PRICKLE2: variants seen among roughly 807,000 people sequenced by gnomAD.
The protein encoded by PRICKLE2 is prickle-like protein 2.
In PRICKLE2, 21 loss-of-function variants were observed where a neutral mutation model predicts 81.4. That is an observed-to-expected ratio of 0.26 (90% CI 0.18 to 0.37). The LOEUF (loss-of-function observed/expected upper bound fraction) is 0.37, where lower values mean the gene tolerates loss of function less well. Among genes scored for constraint, PRICKLE2 ranks in the 10% least tolerant of loss-of-function variants. The pLI, the probability that PRICKLE2 is intolerant of heterozygous loss-of-function variation, is 1.00. For missense variants in PRICKLE2, 940 were observed against 1,109.0 expected (o/e 0.85, Z 2.16); for synonymous variants, 456 against 421.5 (o/e 1.08, Z -1.00).
intron 1 of PRICKLE2, among the ~76,000 whole-genome samples, chr3:64,204,871 G>C (rs964800163): frequency 1.3e-5 from 2 of 152,062 alleles, no homozygotes; most frequent in African/African-American, 4.8e-5. Flanking sequence ...ACCCTCAGAA[G>C]GGGGCAGAGG....
chr3:64,192,223 G>A (rs200697198), intron 2 of PRICKLE2, among the ~76,000 whole-genome samples: 43 of 152,288 alleles, frequency 2.8e-4, no homozygotes, highest in Non-Finnish European at 4.4e-4. Flanking sequence ...GACCCCTGCC[G>A]TTGGCCTATC....
chr3:64,266,531 T>G lies in PRICKLE2; in HGVS notation c.129-67564A>C, dbSNP rs2107194644. Reference sequence around the variant, plus strand: ...GGCCCCATGGGAAGATGCTTTATTGTAGGATGAGCAGAATCAGCTGCATAT... The same window carrying G: ...GGCCCCATGGGAAGATGCTTTATTGGAGGATGAGCAGAATCAGCTGCATAT... On this transcript the variant is annotated intron_variant, in intron 2 of 8. Transcript: ENST00000295902. Among the ~76,000 whole-genome samples the G allele has an allele frequency of 1.3e-5, 2 of 152,278 alleles. 1 individual carries two copies. Among genetic ancestry groups the G allele is most frequent in the South Asian group, 4.1e-4 (2 of 4,820 alleles).
At chr3:64,135,496 C>T (rs1357116281) in intron 7 of PRICKLE2, among the ~76,000 whole-genome samples, 1 of 152,034 alleles carries the variant, frequency 6.6e-6, no homozygotes, top group Non-Finnish European at 1.5e-5. Flanking sequence ...AGTCTTTGCA[C>T]CAAGGAAAAC....
intron 7 of PRICKLE2, among the ~76,000 whole-genome samples, chr3:64,140,850 A>G (rs775994125): frequency 2.6e-5 from 4 of 152,122 alleles, no homozygotes; most frequent in Non-Finnish European, 5.9e-5. Flanking sequence ...ACAAATCAAC[A>G]AGCCAGCTGT....
intron 2 of PRICKLE2, among the ~76,000 whole-genome samples, chr3:64,238,614 T>C (rs777276669): frequency 5.9e-5 from 9 of 152,148 alleles, no homozygotes; most frequent in Non-Finnish European, 1.2e-4. Flanking sequence ...AAAGGTCCCC[T>C]GCTGCCAAGG....
chr3:64,243,889 C>A (rs1232826827), intron 2 of PRICKLE2, among the ~76,000 whole-genome samples: 1 of 152,182 alleles, frequency 6.6e-6, no homozygotes, highest in Non-Finnish European at 1.5e-5. Context: ...TGCCCTGTCT[C>A]ATTTTACCCC....
intron 7 of PRICKLE2, among the ~76,000 whole-genome samples, chr3:64,127,816 G>A (rs563837825): frequency 1.7e-4 from 26 of 151,940 alleles, no homozygotes; most frequent in Non-Finnish European, 2.9e-4. Context: ...TTGGAATCCT[G>A]ACTTGTCTTC....
At chr3:64,113,351 G>T (rs2076881401) in intron 7 of PRICKLE2, among the ~76,000 whole-genome samples, 1 of 152,172 alleles carries the variant, frequency 6.6e-6, no homozygotes, top group Admixed American at 6.5e-5. Flanking sequence ...GGGCTGGTCT[G>T]ACCTGTGCAC....
Position 64,225,043 on chromosome 3 carries a change from A to ATC in PRICKLE2, c.-176_-175dup, listed in dbSNP as rs889287991. ...AAGCAGGACCTCAGGCAGCCAAAGCATCTTCTCCTCAAACCCCCTTTTCAG... is the reference window on the plus strand; with the variant it reads ...AAGCAGGACCTCAGGCAGCCAAAGCATCTCTTCTCCTCAAACCCCCTTTTCAG... On this transcript the variant is annotated 5_prime_UTR_variant, in exon 1 of 8. The change creates a new upstream start codon in the 5' untranslated region. Coordinates refer to ENST00000638394, the MANE Select transcript of PRICKLE2 (RefSeq NM_198859.4). 5 of 985,350 alleles carry ATC rather than the reference A, an allele frequency of 5.1e-6. No homozygotes were observed. The African/African-American group carries it at 7.0e-5, about 14-fold the overall frequency. The allele number at this position is 985,350 out of a possible 1,614,324, so 61.0% of individuals were successfully genotyped here. A position where few individuals can be genotyped will look rare whatever the true frequency, so the allele number is the denominator to read the frequency against.
intron 2 of PRICKLE2, among the ~76,000 whole-genome samples, chr3:64,182,011 G>A (rs911465005): frequency 2.0e-5 from 3 of 152,166 alleles, no homozygotes; most frequent in Admixed American, 6.6e-5. Flanking sequence ...ATAGAGGGAG[G>A]AAAGCACAGC....
At chr3:64,142,455 C>T (rs763993316) in intron 7 of PRICKLE2, among the ~76,000 whole-genome samples, 6 of 152,002 alleles carry the variant, frequency 3.9e-5, no homozygotes, top group African/African-American at 1.2e-4. Flanking sequence ...GAACTACAGT[C>T]ATGCACCACC....
chr3:64,132,647 T>A (rs2077213332), intron 7 of PRICKLE2, among the ~76,000 whole-genome samples: 1 of 152,210 alleles, frequency 6.6e-6, no homozygotes, highest in African/African-American at 2.4e-5. Context: ...ATCAAAAATT[T>A]AAAACATCTT....
At chr3:64,192,866 T>G (rs1158713816) in intron 2 of PRICKLE2, among the ~76,000 whole-genome samples, 2 of 152,176 alleles carry the variant, frequency 1.3e-5, no homozygotes, top group African/African-American at 4.8e-5. Flanking sequence ...TTAAGTACCC[T>G]CCATGAACAC....
At chr3:64,161,441 A>T (rs1036137853) in intron 3 of PRICKLE2, among the ~76,000 whole-genome samples, 3 of 152,170 alleles carry the variant, frequency 2.0e-5, no homozygotes, top group Non-Finnish European at 4.4e-5. Context: ...TAATTTGAAA[A>T]CCAGGACAGC....
chr3:64,261,361 T>C, intron 2 of PRICKLE2, among the ~76,000 whole-genome samples: 1 of 152,158 alleles, frequency 6.6e-6, no homozygotes, highest in East Asian at 1.9e-4. Flanking sequence ...AAAATTTGTT[T>C]AGGGAGCCCT....
chr3:64,240,532 T>C (rs1234484248), intron 2 of PRICKLE2, among the ~76,000 whole-genome samples: 1 of 152,282 alleles, frequency 6.6e-6, no homozygotes, highest in African/African-American at 2.4e-5. Flanking sequence ...AAAGTCCCTG[T>C]GTGGGCTATG....
At chr3:64,225,859 G>C (rs1421182080), upstream of PRICKLE2, among the ~76,000 whole-genome samples, 1 of 151,492 alleles carries the variant, frequency 6.6e-6, no homozygotes, top group Non-Finnish European at 1.5e-5. Flanking sequence ...ATTAAATGCT[G>C]TGTCAAGCCT....
intron 1 of PRICKLE2, among the ~76,000 whole-genome samples, chr3:64,217,508 C>T (rs1238093371): frequency 6.6e-6 from 1 of 152,040 alleles, no homozygotes; most frequent in Non-Finnish European, 1.5e-5. Flanking sequence ...TTCGTAAGAA[C>T]GAATAAAATA....
intron 2 of PRICKLE2, among the ~76,000 whole-genome samples, chr3:64,170,772 G>A (rs1052485695): frequency 6.6e-6 from 1 of 151,622 alleles, no homozygotes; most frequent in Non-Finnish European, 1.5e-5. Flanking sequence ...CTACTCTGGA[G>A]GCTGAGCTGG....
Sources: gnomAD v4.1 joint callset for allele counts (sites outside exome capture counted in the v4.1 genomes callset) on GRCh38, gnomAD v4.1.1 for gene constraint, MANE v1.5 for transcripts, NCBI Gene and HGNC (gene_info 2026-07-23, HGNC 2026-07-21) for gene names.